Variants in DET1 observed in about 807,000 individuals in gnomAD.
DET1 encodes the protein DET1 partner of COP1 E3 ubiquitin ligase, also known as DET1 homolog.
In DET1, 22 loss-of-function variants were observed where a neutral mutation model predicts 43.7. That is an observed-to-expected ratio of 0.50 (90% CI 0.36 to 0.72). The LOEUF (loss-of-function observed/expected upper bound fraction) is 0.72. Ranked by LOEUF, DET1 falls within the 30% of genes least tolerant of loss-of-function variation. The probability of loss-of-function intolerance (pLI) is 0.00; values close to 1 mark genes in which losing one functional copy is unlikely to be tolerated. For missense variants in DET1, 713 were observed against 713.3 expected (o/e 1.00, Z 0.00); for synonymous variants, 315 against 266.2 (o/e 1.18, Z -1.79).
chr15:88,519,078 C>T (rs1399545143), intron 3 of DET1, among the ~76,000 whole-genome samples: 1 of 152,218 alleles, frequency 6.6e-6, no homozygotes, highest in African/African-American at 2.4e-5. Flanking sequence ...CCCTGCCTGA[C>T]TCACCGACTC....
At chr15:88,518,178 G>T (rs1486951134) in intron 3 of DET1, among the ~76,000 whole-genome samples, 1 of 149,416 alleles carries the variant, frequency 6.7e-6, no homozygotes, top group African/African-American at 2.5e-5. Flanking sequence ...CTGGCCTCAA[G>T]CGATCCACCC....
chr15:88,525,688 G>T (rs969186551), intron 3 of DET1, among the ~76,000 whole-genome samples: 3 of 152,002 alleles, frequency 2.0e-5, no homozygotes, highest in African/African-American at 4.8e-5. Context: ...TTGAGGCAGG[G>T]TCTTGCTCTG....
chr15:88,531,098 A>G lies in DET1; in HGVS notation c.608T>C (p.Leu203Ser). The G allele has an allele frequency of 6.2e-7, 1 of 1,613,956 alleles. No homozygotes were observed. Among genetic ancestry groups the G allele is most frequent in the Non-Finnish European group, 8.5e-7 (1 of 1,179,874 alleles). Residue 203 changes from leucine to serine, a missense_variant, in exon 2 of 5, where the codon TTA becomes TCA. Coordinates refer to ENST00000268148, the MANE Select transcript of DET1 (RefSeq NM_001144074.3). The surrounding 1 kb of genome is among the most constrained non-coding windows in gnomAD (Gnocchi z 6.2). Reference sequence around the variant, plus strand: ...ACACTTGAACGTGCGTGTATCACATAAGCGGCCGGTGTGAAGGTCAATGAT... The same window carrying G: ...ACACTTGAACGTGCGTGTATCACATGAGCGGCCGGTGTGAAGGTCAATGAT... ...LHIIDLHTGRLCDTRTFKCDK... is the reference protein window; with the variant it reads ...LHIIDLHTGRSCDTRTFKCDK...
In DET1 at chr15:88,504,767, A is replaced by T. The variant is rs2142242538; in HGVS notation, c.*2066-780T>A. 6.6e-6 allele frequency: 1 copy of T among 152,270 alleles called. No homozygotes were observed. The highest frequency in any genetic ancestry group is 1.9e-4 in the East Asian group (1 of 5,178). 9.4% of individuals were successfully genotyped at this position (152,270 alleles called of 1,614,324 possible). On this transcript the variant is annotated intron_variant and NMD_transcript_variant, in intron 7 of 8. Coordinates refer to the DET1 transcript ENST00000557842. This position sits in a 1 kb window ranked among gnomAD's most constrained non-coding sequence, Gnocchi z 4.7. ...GGGCCCATCAAAATTCAAATTAGTC[A>T]ATCCCAAACCTGCTTACCTGCTGTC...
At chr15:88,519,659 C>T (rs2056437359) in intron 3 of DET1, among the ~76,000 whole-genome samples, 1 of 152,182 alleles carries the variant, frequency 6.6e-6, no homozygotes, top group African/African-American at 2.4e-5. Flanking sequence ...TAAATCACTC[C>T]GTTGCACACA....
intron 3 of DET1, among the ~76,000 whole-genome samples, chr15:88,524,907 C>T (rs938867894): frequency 6.6e-6 from 1 of 152,034 alleles, no homozygotes; most frequent in African/African-American, 2.4e-5. Flanking sequence ...ATGACCCTGC[C>T]AAATCCCCCT....
At position 88,512,724 on chromosome 15, in the gene DET1, G is replaced by C. The variant is rs2056226632; in HGVS notation, c.*227C>G. The C allele has an allele frequency of 7.2e-6, 9 of 1,257,486 alleles. No individual in the cohort carries two copies. Among genetic ancestry groups the C allele is most frequent in the Non-Finnish European group, 9.0e-6 (9 of 1,002,310 alleles). 77.9% of individuals were successfully genotyped at this position (1,257,486 alleles called of 1,614,324 possible). On this transcript the variant is annotated 3_prime_UTR_variant, in exon 5 of 5. Coordinates refer to ENST00000268148, the MANE Select transcript of DET1 (RefSeq NM_001144074.3). ...TTAATTAATGCTGGGCATTCCCACA[G>C]GGAAAACGCAAGAGGATATTATAAC...
At chr15:88,502,904 T>C (rs1232889263) in intron 8 of DET1, 2 of 152,358 alleles carry the variant, frequency 1.3e-5, no homozygotes, top group East Asian at 3.9e-4. Context: ...TCCTAGTCCC[T>C]GGCCCTTAGC....
intron 3 of DET1, among the ~76,000 whole-genome samples, chr15:88,522,686 A>G (rs765305226): frequency 3.4e-5 from 5 of 147,810 alleles, no homozygotes; most frequent in Non-Finnish European, 6.0e-5. Flanking sequence ...TTTTTTTTGT[A>G]TTTTTTTTTA....
chr15:88,524,038 G>C (rs2056583843), intron 3 of DET1, among the ~76,000 whole-genome samples: 1 of 150,186 alleles, frequency 6.7e-6, no homozygotes, highest in African/African-American at 2.5e-5. Flanking sequence ...AGTGAGGAGC[G>C]TCTCTGCCCG....
In DET1 at chr15:88,522,416, C is replaced by G. The variant is rs548031540; in HGVS notation, c.1271+5183G>C. Among the ~76,000 whole-genome samples the G allele has an allele frequency of 7.3e-5, 11 of 150,676 alleles. No homozygotes were observed. In the South Asian group the frequency reaches 2.3e-3, roughly 32 times the overall value. Reference sequence around the variant, plus strand: ...AATGTTTCTCTTCTAGGTCCCTTCTCTTATCTATTTACTCTACTTTTTTGG... The same window carrying G: ...AATGTTTCTCTTCTAGGTCCCTTCTGTTATCTATTTACTCTACTTTTTTGG... On this transcript the variant is annotated intron_variant, in intron 3 of 4. Transcript: ENST00000268148.
At chr15:88,539,938 C>T (rs1478019832) in intron 1 of DET1, among the ~76,000 whole-genome samples, 1 of 152,168 alleles carries the variant, frequency 6.6e-6, no homozygotes, top group Non-Finnish European at 1.5e-5. Flanking sequence ...TGCCCTTAAA[C>T]AGAACACTGT....
At chr15:88,529,239 T>C (rs187036064) in intron 2 of DET1, among the ~76,000 whole-genome samples, 2 of 152,338 alleles carry the variant, frequency 1.3e-5, no homozygotes, top group East Asian at 3.9e-4. Flanking sequence ...ATTCATGTCC[T>C]TTCTATGGCC....
At chr15:88,521,638 T>C (rs2056492336) in intron 3 of DET1, among the ~76,000 whole-genome samples, 1 of 152,192 alleles carries the variant, frequency 6.6e-6, no homozygotes. Flanking sequence ...TTTGAAAATG[T>C]CTCCATTCCA....
At chr15:88,523,390 G>T (rs1198521516) in intron 3 of DET1, among the ~76,000 whole-genome samples, 1 of 151,910 alleles carries the variant, frequency 6.6e-6, no homozygotes, top group African/African-American at 2.4e-5. Context: ...GTGTTCACAA[G>T]AATTAAAAAA....
chr15:88,514,765 T>C (rs973728684), intron 4 of DET1, among the ~76,000 whole-genome samples: 1 of 152,230 alleles, frequency 6.6e-6, no homozygotes, highest in African/African-American at 2.4e-5. Context: ...AATACAGATA[T>C]TGCAGGAATG....
Position 88,516,852 on chromosome 15 carries a change from G to A in DET1, c.1393C>T (p.Leu465Phe). 1 of 1,610,910 alleles carries A rather than the reference G, an allele frequency of 6.2e-7. No individual in the cohort carries two copies. Among genetic ancestry groups the A allele is most frequent in the Non-Finnish European group, 8.5e-7 (1 of 1,178,704 alleles). Residue 465 changes from leucine to phenylalanine, a missense_variant, in exon 4 of 5, where the codon CTC becomes TTC. By Grantham distance (22) the Leu-to-Phe change is conservative (BLOSUM62 0). Transcript: ENST00000268148. The surrounding 1 kb of genome is among the most constrained non-coding windows in gnomAD (Gnocchi z 4.4). Reference sequence around the variant, plus strand: ...ACCCACTTGTCATCATAACTGAAGAGAGACAAATCCAGATAGGGGCTACCG... The same window carrying A: ...ACCCACTTGTCATCATAACTGAAGAAAGACAAATCCAGATAGGGGCTACCG... ...YSGSPYLDLS[L>F]FSYDDKWVSV...
At chr15:88,525,940 T>C (rs751533463) in intron 3 of DET1, among the ~76,000 whole-genome samples, 2 of 150,260 alleles carry the variant, frequency 1.3e-5, no homozygotes, top group Non-Finnish European at 2.9e-5. Flanking sequence ...ACTTCCAAAG[T>C]GTTGGGATTA....
chr15:88,524,217 G>C (rs2056592187), intron 3 of DET1, among the ~76,000 whole-genome samples: 1 of 151,968 alleles, frequency 6.6e-6, no homozygotes, highest in African/African-American at 2.4e-5. Context: ...CAGCCCGTCT[G>C]GGAGGTGAGG....
Sources: gnomAD v4.1 joint callset for allele counts (sites outside exome capture counted in the v4.1 genomes callset) on GRCh38, gnomAD v4.1.1 for gene constraint, Gnocchi (gnomAD v3.1) non-coding constraint, MANE v1.5 for transcripts, NCBI Gene and HGNC (gene_info 2026-07-23, HGNC 2026-07-21) for gene names.